The following DOCK10 variants were observed in gnomAD, a reference collection of about 807,000 sequenced individuals.
The protein encoded by DOCK10 is dedicator of cytokinesis protein 10.
A neutral mutation model predicts 280.1 loss-of-function variants in DOCK10; 145 were observed. That is an observed-to-expected ratio of 0.52 (90% CI 0.45 to 0.59). The LOEUF (loss-of-function observed/expected upper bound fraction) is 0.59, where lower values mean the gene tolerates loss of function less well. DOCK10 is among the 20% of genes least tolerant of loss of function. The pLI is 0.00. For missense variants in DOCK10, 2,368 were observed against 2,651.7 expected (o/e 0.89, Z 2.35); for synonymous variants, 915 against 942.2 (o/e 0.97, Z 0.53).
intron 3 of DOCK10, among the ~76,000 whole-genome samples, chr2:224,905,519 G>A (rs943083783): frequency 1.3e-5 from 2 of 152,132 alleles, no homozygotes; most frequent in South Asian, 2.1e-4. Context: ...AAAGTGCTGG[G>A]ATTACAGGCG....
intron 27 of DOCK10, among the ~76,000 whole-genome samples, chr2:224,824,228 T>A (rs72970971): frequency 0.057 from 8,701 of 152,186 alleles, 287 homozygotes; most frequent in South Asian, 0.077. Flanking sequence ...TCCCAGTATA[T>A]GCCACAGTTA....
At chr2:224,777,119 T>G (rs770937129) in intron 51 of DOCK10, among the ~76,000 whole-genome samples, 24 of 152,228 alleles carry the variant, frequency 1.6e-4, no homozygotes, top group Non-Finnish European at 2.5e-4. Flanking sequence ...AACGACAGTG[T>G]GTAAGAAGAT....
chr2:224,893,778 A>G lies in DOCK10; in HGVS notation c.416+2517T>C. 9.3e-6 allele frequency: 3 copies of G among 322,470 alleles called. 1 individual carries two copies. The highest frequency in any genetic ancestry group is 8.1e-5 in the South Asian group (3 of 37,080). The allele number at this position is 322,470 out of a possible 1,614,324, so 20.0% of individuals were successfully genotyped here. A position where few individuals can be genotyped will look rare whatever the true frequency, so the allele number is the denominator to read the frequency against. On this transcript the variant is annotated intron_variant, in intron 4 of 55. Transcript: ENST00000258390. Reference sequence around the variant, plus strand: ...TTTCATTTTGCAGTCTCAGCAACTCATAAAAAGAAATAAGCAATTTAAATT... The same window carrying G: ...TTTCATTTTGCAGTCTCAGCAACTCGTAAAAAGAAATAAGCAATTTAAATT...
Position 224,804,852 on chromosome 2 carries a change from GA to G in DOCK10, c.4119-12del, listed in dbSNP as rs765434405. On this transcript the variant is annotated splice_polypyrimidine_tract_variant and intron_variant, in intron 37 of 55. Coordinates refer to ENST00000258390, the MANE Select transcript of DOCK10 (RefSeq NM_014689.3). ...TTTTGAAGACAAACGCTAGAAAGGAGAAAAAAACCACATTTTAATTATTCAT... is the reference window on the plus strand; with the variant it reads ...TTTTGAAGACAAACGCTAGAAAGGAGAAAAAACCACATTTTAATTATTCAT... The G allele has an allele frequency of 6.0e-6, 9 of 1,496,056 alleles. No individual in the cohort carries two copies. Among genetic ancestry groups the G allele is most frequent in the Non-Finnish European group, 6.2e-6 (7 of 1,121,336 alleles). The allele number at this position is 1,496,056 out of a possible 1,614,324, so 92.7% of individuals were successfully genotyped here. A position where few individuals can be genotyped will look rare whatever the true frequency, so the allele number is the denominator to read the frequency against.
At chr2:224,995,608 C>T (rs1049473746) in intron 1 of DOCK10, among the ~76,000 whole-genome samples, 1 of 152,178 alleles carries the variant, frequency 6.6e-6, no homozygotes, top group African/African-American at 2.4e-5. Context: ...TCCACTCCCT[C>T]CTCACAAGAC....
chr2:224,854,849 A>G (rs1037451561), intron 16 of DOCK10, 114 bp downstream of exon 16: 118 of 668,558 alleles, frequency 1.8e-4, no homozygotes, highest in Non-Finnish European at 2.5e-4. Context: ...GTAACCAACC[A>G]ACTAGCCAAC....
chr2:224,929,895 G>A (rs181910392), intron 2 of DOCK10, among the ~76,000 whole-genome samples: 62 of 152,202 alleles, frequency 4.1e-4, no homozygotes, highest in African/African-American at 1.4e-3. Flanking sequence ...TTTTGGTGGT[G>A]TTTGACATAA....
chr2:224,987,898 A>G (rs1418174989), intron 1 of DOCK10, among the ~76,000 whole-genome samples: 1 of 152,186 alleles, frequency 6.6e-6, no homozygotes, highest in Non-Finnish European at 1.5e-5. Context: ...CACAGTAGAA[A>G]AGCTCACAGC....
intron 1 of DOCK10, among the ~76,000 whole-genome samples, chr2:225,039,296 A>C (rs1690348436): frequency 6.6e-6 from 1 of 152,226 alleles, no homozygotes; most frequent in Admixed American, 6.5e-5. Flanking sequence ...TGCTTTATGA[A>C]ACAATCAGGA....
At chr2:225,000,551 G>A (rs1039185532) in intron 1 of DOCK10, among the ~76,000 whole-genome samples, 10 of 152,168 alleles carry the variant, frequency 6.6e-5, no homozygotes, top group Admixed American at 2.6e-4. Flanking sequence ...ATTTCAACAC[G>A]TTCACAATGT....
intron 2 of DOCK10, among the ~76,000 whole-genome samples, chr2:224,925,676 T>C (rs1702009163): frequency 6.6e-6 from 1 of 152,190 alleles, no homozygotes; most frequent in Admixed American, 6.5e-5. Flanking sequence ...AATTGAAGTA[T>C]AGTTGATAGG....
intron 19 of DOCK10, among the ~76,000 whole-genome samples, chr2:224,847,623 GT>G (rs1237544660): frequency 6.6e-6 from 1 of 152,190 alleles, no homozygotes; most frequent in African/African-American, 2.4e-5. Flanking sequence ...TTGTCAACCA[GT>G]TGACCCTTTG....
intron 1 of DOCK10, among the ~76,000 whole-genome samples, chr2:224,939,644 T>A (rs1299895731): frequency 6.6e-6 from 1 of 152,144 alleles, no homozygotes; most frequent in East Asian, 1.9e-4. Context: ...TAGAGTAAAC[T>A]GGAGAATTTT....
chr2:224,916,224 C>T (rs1201136915), intron 3 of DOCK10, among the ~76,000 whole-genome samples: 1 of 152,136 alleles, frequency 6.6e-6, no homozygotes, highest in Non-Finnish European at 1.5e-5. Flanking sequence ...GGTGAAACCC[C>T]ATCTCTACTA....
rs768578362 is a variant in DOCK10, at chr2:224,773,187, C to T, written c.6174G>A (p.Gln2058=). ...CGCTGACACTTCCTTGCAGTTTGAG[C>T]TGCAGTCTGATCATGTCCACTTCTT... is the stretch of plus-strand genomic sequence containing the variant. ...TMEEVDMIRL[Q]LKLQGSVSVK... is the part of the protein sequence containing the mutation. Residue 2058 remains glutamine, a synonymous_variant, in exon 53 of 56, where the codon CAG becomes CAA. Coordinates refer to ENST00000258390, the MANE Select transcript of DOCK10 (RefSeq NM_014689.3). The T allele has an allele frequency of 5.6e-6, 9 of 1,613,476 alleles. No individual in the cohort carries two copies. The highest frequency in any genetic ancestry group is 7.6e-6 in the Non-Finnish European group (9 of 1,179,512).
intron 1 of DOCK10, among the ~76,000 whole-genome samples, chr2:225,031,349 T>C (rs867837778): frequency 3.9e-5 from 6 of 152,276 alleles, no homozygotes; most frequent in Middle Eastern, 3.4e-3. Flanking sequence ...TGGAGTGAAA[T>C]AAAGTCCTCA....
chr2:225,017,703 T>G (rs1167161806), intron 1 of DOCK10, among the ~76,000 whole-genome samples: 2 of 36,810 alleles, frequency 5.4e-5, no homozygotes, highest in South Asian at 2.7e-3. Context: ...TGCCTACTGT[T>G]CCAAAAAAAA....
intron 1 of DOCK10, among the ~76,000 whole-genome samples, chr2:225,008,768 A>C (rs138823438): frequency 3.3e-5 from 5 of 152,314 alleles, no homozygotes; most frequent in Non-Finnish European, 7.4e-5. Flanking sequence ...AAATGAGAGC[A>C]CAGGTCCACT....
At chr2:224,949,858 T>C (rs555208274) in intron 1 of DOCK10, among the ~76,000 whole-genome samples, 1 of 152,316 alleles carries the variant, frequency 6.6e-6, no homozygotes, top group Non-Finnish European at 1.5e-5. Flanking sequence ...CCTTGCCTGG[T>C]ACATAGTATG....
Sources: allele counts gnomAD v4.1 joint callset (sites outside exome capture counted in the v4.1 genomes callset), GRCh38; gene constraint gnomAD v4.1.1; transcripts MANE v1.5; gene names NCBI Gene and HGNC (gene_info 2026-07-23, HGNC 2026-07-21).